The following GOLGA4 variants were observed in gnomAD, a reference collection of about 807,000 sequenced individuals.
GOLGA4 encodes golgin subfamily A member 4.
GOLGA4 carries 169 observed loss-of-function variants against 265.9 expected under a neutral mutation model. That is an observed-to-expected ratio of 0.64 (90% confidence interval 0.56 to 0.72). The LOEUF (loss-of-function observed/expected upper bound fraction) is 0.72, where lower values mean the gene tolerates loss of function less well. GOLGA4 is among the 30% of genes least tolerant of loss of function. The pLI is 0.00. For missense variants in GOLGA4, 2,482 were observed against 2,483.4 expected (o/e 1.00, Z 0.01); for synonymous variants, 923 against 855.8 (o/e 1.08, Z -1.37).
chr3:37,348,220 A>G (rs2097062297), intron 21 of GOLGA4, among the ~76,000 whole-genome samples: 1 of 152,226 alleles, frequency 6.6e-6, no homozygotes. Context: ...AAAAGGAAAT[A>G]TCTTAAAAGA....
chr3:37,347,939 T>C (rs1409173187), intron 21 of GOLGA4, among the ~76,000 whole-genome samples: 1 of 152,190 alleles, frequency 6.6e-6, no homozygotes, highest in Non-Finnish European at 1.5e-5. Flanking sequence ...AGTTAAATGC[T>C]TCTAGGGAAA....
chr3:37,337,901 T>C (rs988150776), intron 19 of GOLGA4, among the ~76,000 whole-genome samples, 167 bp downstream of exon 19: 6 of 152,214 alleles, frequency 3.9e-5, no homozygotes, highest in African/African-American at 1.4e-4. Context: ...AAATTCATGA[T>C]CATATATATT....
At chr3:37,365,313 G>A (rs942466563) in intron 23 of GOLGA4, among the ~76,000 whole-genome samples, 1 of 152,134 alleles carries the variant, frequency 6.6e-6, no homozygotes, top group African/African-American at 2.4e-5. Flanking sequence ...CTGTTGCCCA[G>A]GCTGGAGAGC....
intron 22 of GOLGA4, 128 bp from the exon 23 acceptor site, chr3:37,361,113 ATT>A: frequency 1.4e-6 from 1 of 702,606 alleles, no homozygotes; most frequent in Non-Finnish European, 2.6e-6. Context: ...TACACCCTTG[ATT>A]TGGGGAGATT....
Position 37,327,543 on chromosome 3 carries a change from C to T in GOLGA4, c.5657C>T (p.Ala1886Val). 1 of 1,613,680 alleles carries T rather than the reference C, an allele frequency of 6.2e-7. No individual in the cohort carries two copies. Residue 1886 changes from alanine to valine, a missense_variant, in exon 14 of 24, where the codon GCT (alanine) becomes GTT (valine). Ala to Val is a moderately conservative substitution (Grantham distance 64, BLOSUM62 0). This residue lies in a region of GOLGA4 where 942 missense variants were observed against 983.1 expected (regional missense o/e 0.96). Transcript: ENST00000361924. The part of the protein sequence containing the change: ...ELTSKYEKLQ[A>V]LQQMDGRNKP... The stretch of plus-strand genomic sequence containing the variant: ...ACCTCAAAATATGAAAAATTACAGG[C>T]TTTACAACAGATGGATGGAAGAAAT...
At chr3:37,363,043 A>G (rs1251181301) in intron 23 of GOLGA4, among the ~76,000 whole-genome samples, 2 of 151,904 alleles carry the variant, frequency 1.3e-5, no homozygotes, top group East Asian at 1.9e-4. Context: ...TGGCCTCCCA[A>G]AGTGCTGGGA....
intron 10 of GOLGA4, 79 bp downstream of exon 10, chr3:37,302,411 A>G (rs1420758676): frequency 8.1e-7 from 1 of 1,230,972 alleles, no homozygotes; most frequent in Non-Finnish European, 1.1e-6. Context: ...TTTAAAAATG[A>G]GTTAAATATT....
At chr3:37,331,304 A>AG (rs1186901655) in intron 16 of GOLGA4, among the ~76,000 whole-genome samples, 1 of 152,174 alleles carries the variant, frequency 6.6e-6, no homozygotes, top group East Asian at 1.9e-4. Flanking sequence ...CCACAGTTTT[A>AG]GGGTAGCTAG....
chr3:37,276,341 C>T (rs371423365), intron 2 of GOLGA4: 6 of 1,606,712 alleles, frequency 3.7e-6, no homozygotes, highest in East Asian at 2.2e-5. Flanking sequence ...GAATATTCCT[C>T]CTGACTTATT....
chr3:37,282,159 A>G lies in GOLGA4; in HGVS notation c.364A>G (p.Ser122Gly). ...ASFDPPSDMDSEAEDLVGNSD... is the reference protein window; with the variant it reads ...ASFDPPSDMDGEAEDLVGNSD... ...TTTTGATCCACCCTCTGATATGGAT[A>G]GCGAGGCTGAAGACTTGGTAGGGAA... The change falls in exon 3 of 24, where the codon AGC (serine) becomes GGC (glycine). Residue 122 changes from serine (S) to glycine (G), a missense_variant. By Grantham distance (56) the Ser-to-Gly change is moderately conservative. Around this residue, in one of 3 missense-constraint regions of GOLGA4, gnomAD observed 1,536 missense variants for 1,483.7 expected, o/e 1.04. Transcript: ENST00000361924. 1 of 1,614,056 alleles carries G rather than the reference A, an allele frequency of 6.2e-7. No homozygotes were observed. Among genetic ancestry groups the G allele is most frequent in the Non-Finnish European group, 8.5e-7 (1 of 1,179,868 alleles).
chr3:37,351,241 A>G (rs1284813164), intron 21 of GOLGA4, among the ~76,000 whole-genome samples: 1 of 152,164 alleles, frequency 6.6e-6, no homozygotes, highest in Non-Finnish European at 1.5e-5. Context: ...CATCCATACG[A>G]AGCAACTCCT....
chr3:37,324,576 A>C lies in GOLGA4; in HGVS notation c.2690A>C (p.Lys897Thr). Residue 897 changes from lysine (K) to threonine (T), a missense_variant, in exon 14 of 24, where the codon AAA becomes ACA. By Grantham distance (78) the Lys-to-Thr change is moderately conservative (BLOSUM62 -1). Around this residue, in one of 3 missense-constraint regions of GOLGA4, gnomAD observed 1,536 missense variants for 1,483.7 expected, o/e 1.04. Coordinates refer to ENST00000361924, the MANE Select transcript of GOLGA4 (RefSeq NM_002078.5). ...VYESKLEDGN[K>T]EQEQTKQILV... ...GAGTCCAAACTTGAAGATGGTAACA[A>C]AGAACAGGAACAGACAAAGCAAATC... 1 of 1,614,034 alleles carries C rather than the reference A, an allele frequency of 6.2e-7. No homozygotes were observed. Among genetic ancestry groups the C allele is most frequent in the Non-Finnish European group, 8.5e-7 (1 of 1,179,960 alleles).
chr3:37,243,758 C>A (rs1489140293), intron 1 of GOLGA4, 136 bp downstream of exon 1: 4 of 678,758 alleles, frequency 5.9e-6, no homozygotes, highest in Non-Finnish European at 1.0e-5. Context: ...AACTCCGGAC[C>A]CAGAAGGAGC....
In GOLGA4 at chr3:37,327,641, A is replaced by G. The variant is rs150621844; in HGVS notation, c.5755A>G (p.Ser1919Gly). 1.9e-5 allele frequency: 30 copies of G among 1,613,810 alleles called. No homozygotes were observed. The African/African-American group carries it at 2.1e-4, about 11-fold the overall frequency. ...KSHLVQPKLL[S>G]NMEAQHNDLE... ...ACATTTGGTCCAACCCAAATTGCTTAGTAACATGGAAGCCCAGCACAATGA... is the reference window on the plus strand; with the variant it reads ...ACATTTGGTCCAACCCAAATTGCTTGGTAACATGGAAGCCCAGCACAATGA... Residue 1919 changes from serine to glycine, a missense_variant, in exon 14 of 24, where the codon AGT (serine) becomes GGT (glycine). Around this residue, in one of 3 missense-constraint regions of GOLGA4, gnomAD observed 942 missense variants for 983.1 expected, o/e 0.96. Transcript: ENST00000361924.
intron 1 of GOLGA4, among the ~76,000 whole-genome samples, chr3:37,246,890 C>T (rs115390719): frequency 0.011 from 1,605 of 151,882 alleles, 24 homozygotes; most frequent in African/African-American, 0.034. Flanking sequence ...AGTGAGACCC[C>T]AAAATAATAG....
intron 2 of GOLGA4, among the ~76,000 whole-genome samples, chr3:37,277,216 T>C (rs2096821846): frequency 6.6e-6 from 1 of 152,240 alleles, no homozygotes; most frequent in Non-Finnish European, 1.5e-5. Context: ...TAATTTCTTG[T>C]ACATGTATAT....
chr3:37,245,294 CTTTTATAGATGAAG>C (rs1373925883), intron 1 of GOLGA4: 1 of 152,600 alleles, frequency 6.6e-6, no homozygotes, highest in Non-Finnish European at 1.5e-5. Context: ...TATAATTCCT[CTTTTATAGATGAAG>C]GAGTGAGGCT....
intron 2 of GOLGA4, among the ~76,000 whole-genome samples, chr3:37,280,882 A>C (rs2150764383): frequency 6.7e-6 from 1 of 149,126 alleles, no homozygotes; most frequent in Non-Finnish European, 1.5e-5. Context: ...TCTTACTCCT[A>C]CCTTGCCCAA....
chr3:37,298,675 G>A (rs2096884851), intron 7 of GOLGA4, among the ~76,000 whole-genome samples, 158 bp from the exon 8 acceptor site: 1 of 152,218 alleles, frequency 6.6e-6, no homozygotes, highest in Admixed American at 6.5e-5. Flanking sequence ...CCCAAAGTTA[G>A]TTCAGCCTAC....
Sources: gnomAD v4.1 joint callset for allele counts (sites outside exome capture counted in the v4.1 genomes callset) on GRCh38, gnomAD v4.1.1 for gene constraint, gnomAD v4.1.1 regional missense constraint, MANE v1.5 for transcripts, NCBI Gene and HGNC (gene_info 2026-07-23, HGNC 2026-07-21) for gene names.